The following SYT11 variants were observed in gnomAD, a reference collection of about 807,000 sequenced individuals.
SYT11 encodes the protein synaptotagmin 11, also known as synaptotagmin-11.
A neutral mutation model predicts 30.4 loss-of-function variants in SYT11; 12 were observed. The ratio of observed to expected loss-of-function variants is 0.39; its 90% CI spans 0.25 to 0.64. SYT11 has a LOEUF of 0.64. Among genes scored for constraint, SYT11 ranks in the 30% least tolerant of loss-of-function variants. The probability of loss-of-function intolerance (pLI) is 0.45; values close to 1 mark genes in which losing one functional copy is unlikely to be tolerated. For synonymous variants in SYT11, 204 were observed against 216.0 expected, an observed-to-expected ratio of 0.94 and a Z score of 0.49; for missense variants, 412 against 552.0, an observed-to-expected ratio of 0.75 and a Z score of 2.54.
chr1:155,874,977 G>A (rs542914425), intron 2 of SYT11, among the ~76,000 whole-genome samples: 3 of 149,996 alleles, frequency 2.0e-5, no homozygotes, highest in East Asian at 2.0e-4. Context: ...ACAATAGGCC[G>A]GGCATGGTGA....
At chr1:155,862,409 G>A (rs1322910096) in intron 1 of SYT11, among the ~76,000 whole-genome samples, 1 of 152,088 alleles carries the variant, frequency 6.6e-6, no homozygotes, top group African/African-American at 2.4e-5. Flanking sequence ...AGGGAGAGAG[G>A]CAAGAGTTAA....
chr1:155,880,352 A>G (rs1334645728), intron 2 of SYT11, 148 bp from the exon 3 acceptor site: 1 of 825,790 alleles, frequency 1.2e-6, no homozygotes, highest in Non-Finnish European at 1.8e-6. Context: ...TAAAATCATA[A>G]CACCTTTCCA....
In SYT11 at chr1:155,868,482, G is replaced by A. The variant is rs1273789422; in HGVS notation, c.552G>A (p.Leu184=). The A allele has an allele frequency of 1.2e-6, 2 of 1,614,182 alleles. No individual in the cohort carries two copies. The highest frequency in any genetic ancestry group is 2.2e-5 in the East Asian group (1 of 44,876). Residue 184 remains leucine, a synonymous_variant, in exon 2 of 4, where the codon CTG becomes CTA. Transcript: ENST00000368324. The surrounding 1 kb of genome is among the most constrained non-coding windows in gnomAD (Gnocchi z 4.7). ...LVVTIQEAHG[L]PVMDDQTQGS... Reference sequence around the variant, plus strand: ...TGACAATCCAGGAGGCCCATGGGCTGCCAGTGATGGATGACCAGACCCAGG... The same window carrying A: ...TGACAATCCAGGAGGCCCATGGGCTACCAGTGATGGATGACCAGACCCAGG...
Position 155,868,538 on chromosome 1 carries a change from T to G in SYT11, c.608T>G (p.Leu203Arg), listed in dbSNP as rs761943579. The G allele has an allele frequency of 6.2e-7, 1 of 1,614,184 alleles. No homozygotes were observed. Among genetic ancestry groups the G allele is most frequent in the Non-Finnish European group, 8.5e-7 (1 of 1,180,018 alleles). ...GACCCCTACATCAAAATGACCATCC[T>G]TCCTGACAAACGGCATCGGGTGAAG... ...GSDPYIKMTILPDKRHRVKTR... is the reference protein window; with the variant it reads ...GSDPYIKMTIRPDKRHRVKTR... Residue 203 changes from leucine to arginine, a missense_variant, in exon 2 of 4, where the codon CTT becomes CGT. Physicochemically the swap from Leu to Arg is moderately radical, Grantham distance 102 (BLOSUM62 -2). Coordinates refer to ENST00000368324, the MANE Select transcript of SYT11 (RefSeq NM_152280.5). This position sits in a 1 kb window ranked among gnomAD's most constrained non-coding sequence, Gnocchi z 4.7.
At chr1:155,862,274 A>G (rs181811157) in intron 1 of SYT11, among the ~76,000 whole-genome samples, 1 of 152,234 alleles carries the variant, frequency 6.6e-6, no homozygotes, top group Non-Finnish European at 1.5e-5. Flanking sequence ...ATTTATAGCT[A>G]CTTTAAAACA....
chr1:155,874,587 CCTA>C (rs1672831359), intron 2 of SYT11, among the ~76,000 whole-genome samples: 1 of 136,982 alleles, frequency 7.3e-6, no homozygotes. Flanking sequence ...AGAGTGAGAC[CCTA>C]TCTCAAAAAT....
chr1:155,865,426 G>A (rs865833033), intron 1 of SYT11, among the ~76,000 whole-genome samples: 12 of 151,946 alleles, frequency 7.9e-5, no homozygotes, highest in South Asian at 2.1e-4. Flanking sequence ...TTAGGAGTTC[G>A]AGACCAGCCT....
At chr1:155,877,588 C>G (rs1172644284) in intron 2 of SYT11, among the ~76,000 whole-genome samples, 2 of 148,744 alleles carry the variant, frequency 1.3e-5, no homozygotes, top group Admixed American at 6.8e-5. Flanking sequence ...GAGTCTCGCT[C>G]TGTTGCCCAG....
chr1:155,867,539 T>C (rs1672700543), intron 1 of SYT11, among the ~76,000 whole-genome samples: 3 of 152,224 alleles, frequency 2.0e-5, no homozygotes, highest in Non-Finnish European at 4.4e-5. Context: ...GTGCAGGCCC[T>C]GTTCTGGATG....
Position 155,874,628 on chromosome 1 carries a change from C to T in SYT11, c.861+5837C>T, listed in dbSNP as rs943891945. ...AAATAAGGCCGGGCGCGGTGGCTGA[C>T]GCCTGTAATCCCAGCACTTTGGGAG... On this transcript the variant is annotated intron_variant, in intron 2 of 3. Coordinates refer to ENST00000368324, the MANE Select transcript of SYT11 (RefSeq NM_152280.5). Among the ~76,000 whole-genome samples, 43 of 149,922 alleles carry T rather than the reference C, an allele frequency of 2.9e-4. 2 individuals carry two copies. Among genetic ancestry groups the T allele is most frequent in the African/African-American group, 5.1e-4 (21 of 41,064 alleles).
chr1:155,873,408 G>A (rs1265554312), intron 2 of SYT11, among the ~76,000 whole-genome samples: 1 of 152,120 alleles, frequency 6.6e-6, no homozygotes, highest in Admixed American at 6.6e-5. Context: ...CCTGGCGACA[G>A]AGCAAGACTC....
At chr1:155,863,420 T>G (rs985975874) in intron 1 of SYT11, among the ~76,000 whole-genome samples, 19 of 151,754 alleles carry the variant, frequency 1.3e-4, no homozygotes, top group Non-Finnish European at 2.9e-5. Flanking sequence ...ACCACTGCAC[T>G]CCAGCCTGGG....
intron 2 of SYT11, among the ~76,000 whole-genome samples, chr1:155,876,989 C>G (rs576779407): frequency 2.2e-5 from 3 of 137,304 alleles, no homozygotes; most frequent in Non-Finnish European, 4.6e-5. Context: ...TTTCCTGAGA[C>G]GGAGTCTTGC....
intron 2 of SYT11, among the ~76,000 whole-genome samples, chr1:155,876,973 T>G (rs1672872746): frequency 6.7e-6 from 1 of 149,286 alleles, no homozygotes; most frequent in Non-Finnish European, 1.5e-5. Context: ...TCTTTTTTTT[T>G]TTTTTTTTCC....
In SYT11 at chr1:155,881,468, G is replaced by A. The variant is rs749800041; in HGVS notation, c.1256G>A (p.Arg419His). 21 of 1,611,464 alleles carry A rather than the reference G, an allele frequency of 1.3e-5. No individual in the cohort carries two copies. The highest frequency in any genetic ancestry group is 2.7e-5 in the African/African-American group (2 of 74,840). The change falls in exon 4 of 4, where the codon CGC (arginine) becomes CAC (histidine). Residue 419 changes from arginine to histidine, a missense_variant. By Grantham distance (29) the Arg-to-His change is conservative. Transcript: ENST00000368324. ...TGGAGAGAGGTCTGCGAGAGCCCCC[G>A]CAAGCCTGTGGCCAAGTGGCACAGT... ...EHWREVCESP[R>H]KPVAKWHSLS...
intron 2 of SYT11, among the ~76,000 whole-genome samples, chr1:155,869,359 C>T (rs981383706): frequency 3.5e-4 from 53 of 150,968 alleles, no homozygotes; most frequent in Non-Finnish European, 1.3e-4. Flanking sequence ...CAACCCCCAC[C>T]GCCCAGGTTC....
rs1672539806 is a variant in SYT11, at chr1:155,860,391, T to G, written c.34+596T>G. Among the ~76,000 whole-genome samples the G allele has an allele frequency of 6.6e-6, 1 of 152,174 alleles. No individual in the cohort carries two copies. Among genetic ancestry groups the G allele is most frequent in the South Asian group, 2.1e-4 (1 of 4,832 alleles). ...TGGGGCTAGGAGGAAACGTGAGCCC[T>G]GCAAGCTCCATTCCGCATCGTAATG... On this transcript the variant is annotated intron_variant, in intron 1 of 3. Transcript: ENST00000368324. This position sits in a 1 kb window ranked among gnomAD's most constrained non-coding sequence, Gnocchi z 4.1.
Position 155,885,059 on chromosome 1 carries a change from A to T in SYT11, c.*3551A>T, listed in dbSNP as rs1673045172. The T allele has an allele frequency of 6.5e-6, 1 of 152,774 alleles. No homozygotes were observed. Among genetic ancestry groups the T allele is most frequent in the African/African-American group, 2.4e-5 (1 of 41,440 alleles). The allele number at this position is 152,774 out of a possible 1,614,324, so 9.5% of individuals were successfully genotyped here. A position where few individuals can be genotyped will look rare whatever the true frequency, so the allele number is the denominator to read the frequency against. The stretch of plus-strand genomic sequence containing the variant: ...GTGTCAAATTTTGAAAAAAAAAGAA[A>T]ACTGAAAAAGCTAACATGAATTGTG... On this transcript the variant is annotated 3_prime_UTR_variant, in exon 4 of 4. Coordinates refer to ENST00000368324, the MANE Select transcript of SYT11 (RefSeq NM_152280.5).
chr1:155,867,744 C>T (rs996725220), intron 1 of SYT11, among the ~76,000 whole-genome samples: 4 of 152,128 alleles, frequency 2.6e-5, no homozygotes, highest in African/African-American at 9.7e-5. Flanking sequence ...TCAGAGAAGG[C>T]TTTCTATAGA....
Sources: allele counts gnomAD v4.1 joint callset (sites outside exome capture counted in the v4.1 genomes callset), GRCh38; gene constraint gnomAD v4.1.1; non-coding constraint Gnocchi (gnomAD v3.1); transcripts MANE v1.5; gene names NCBI Gene and HGNC (gene_info 2026-07-23, HGNC 2026-07-21).